Variants in ALG1 observed in about 807,000 individuals in gnomAD.
The protein encoded by ALG1 is ALG1 chitobiosyldiphosphodolichol beta-mannosyltransferase.
In ALG1, 58 loss-of-function variants were observed where a neutral mutation model predicts 55.1. The ratio of observed to expected loss-of-function variants is 1.05; its 90% CI spans 0.85 to 1.31. The LOEUF is 1.31. Among genes scored for constraint, ALG1 ranks in the 50% most tolerant of loss-of-function variants. ALG1 has a pLI of 0.00. For missense variants in ALG1, 761 were observed against 598.6 expected, an observed-to-expected ratio of 1.27 and a Z score of -2.83; for synonymous variants, 309 against 247.0, an observed-to-expected ratio of 1.25 and a Z score of -2.35.
chr16:5,072,426 G>C, intron 1 of ALG1: 1 of 472,180 alleles, frequency 2.1e-6, no homozygotes, highest in Non-Finnish European at 3.7e-6. Flanking sequence ...CCTCAACGCA[G>C]AGCTCTGCAG....
At chr16:5,079,477 G>A (rs1956978410) in intron 8 of ALG1, among the ~76,000 whole-genome samples, 1 of 152,196 alleles carries the variant, frequency 6.6e-6, no homozygotes, top group African/African-American at 2.4e-5. Context: ...ATCATCTGAG[G>A]TCAGGAGTTC....
chr16:5,073,658 A>C (rs1956859627), intron 3 of ALG1, among the ~76,000 whole-genome samples: 3 of 152,256 alleles, frequency 2.0e-5, no homozygotes, highest in Admixed American at 1.3e-4. Context: ...ATTTGAACGT[A>C]GGTCGTCAGT....
Position 5,082,438 on chromosome 16 carries a change from G to C in ALG1, c.1073-121G>C, listed in dbSNP as rs559548983. On this transcript the variant is annotated intron_variant, in intron 10 of 12. Transcript: ENST00000262374. Reference sequence around the variant, plus strand: ...GGCCAGCTTAAGCCACTTGTGTTTGGGGCTGTTGGGGGCCTTATCTGATTT... The same window carrying C: ...GGCCAGCTTAAGCCACTTGTGTTTGCGGCTGTTGGGGGCCTTATCTGATTT... The C allele has an allele frequency of 4.8e-5, 50 of 1,033,490 alleles. No homozygotes were observed. In the African/African-American group the frequency reaches 7.7e-4, roughly 16 times the overall value. 64.0% of individuals were successfully genotyped at this position (1,033,490 alleles called of 1,614,324 possible). A position where few individuals can be genotyped will look rare whatever the true frequency, so the allele number is the denominator to read the frequency against.
intron 4 of ALG1, among the ~76,000 whole-genome samples, chr16:5,075,864 G>C (rs1174797584): frequency 6.6e-6 from 1 of 152,192 alleles, no homozygotes; most frequent in Non-Finnish European, 1.5e-5. Context: ...TCCTCACGTA[G>C]GCTCATTGGG....
intron 4 of ALG1, among the ~76,000 whole-genome samples, chr16:5,076,307 A>G (rs1956912937): frequency 6.6e-6 from 1 of 152,230 alleles, no homozygotes; most frequent in African/African-American, 2.4e-5. Context: ...GTTCACTGGC[A>G]GTGGTGACAG....
In ALG1 at chr16:5,077,940, C is replaced by G; in HGVS notation, c.663C>G (p.Phe221Leu). The G allele has an allele frequency of 6.2e-7, 1 of 1,607,460 alleles. No individual in the cohort carries two copies. Among genetic ancestry groups the G allele is most frequent in the Non-Finnish European group, 8.5e-7 (1 of 1,179,836 alleles). The change falls in exon 6 of 13, where the codon TTC becomes TTG. Residue 221 changes from phenylalanine (F) to leucine (L), a missense_variant. Phe to Leu is a conservative substitution (Grantham distance 22, BLOSUM62 0). Coordinates refer to ENST00000262374, the MANE Select transcript of ALG1 (RefSeq NM_019109.5). ...CCGTCTACGACAAGCCCGCATCTTT[C>G]TTTAAAGAGACACCTCTGGACCTGC... ...AVTVYDKPASFFKETPLDLQH... is the reference protein window; with the variant it reads ...AVTVYDKPASLFKETPLDLQH...
intron 6 of ALG1, chr16:5,078,499 C>G (rs1052462835): frequency 1.4e-6 from 1 of 714,702 alleles, no homozygotes; most frequent in Non-Finnish European, 2.5e-6. Flanking sequence ...CATCTTGAGT[C>G]CAGGGGATGA....
chr16:5,075,250 A>T, intron 3 of ALG1, 138 bp from the exon 4 acceptor site: 2 of 960,282 alleles, frequency 2.1e-6, no homozygotes, highest in Non-Finnish European at 3.4e-6. Context: ...GGTGGTGGAG[A>T]GGGTCTTTCT....
intron 9 of ALG1, 51 bp downstream of exon 9, chr16:5,079,858 G>A (rs1956985344): frequency 1.9e-6 from 3 of 1,580,846 alleles, no homozygotes; most frequent in Non-Finnish European, 2.6e-6. Flanking sequence ...GGCGGAGGGG[G>A]AGGGGCACGC....
intron 10 of ALG1, among the ~76,000 whole-genome samples, chr16:5,082,067 C>T (rs1312490954): frequency 1.3e-5 from 2 of 151,886 alleles, no homozygotes; most frequent in African/African-American, 2.4e-5. Context: ...CTCAGCCTCC[C>T]GAGTAGCTGT....
chr16:5,084,914 C>G lies in ALG1; in HGVS notation c.*33C>G. 6.3e-7 allele frequency: 1 copy of G among 1,596,432 alleles called. No homozygotes were observed. The highest frequency in any genetic ancestry group is 8.5e-7 in the Non-Finnish European group (1 of 1,179,756). ...GCCAGAGGCTAAAACCCCAGGACCC[C>G]TGCTGTCCTTCCCGCAGCTTCTTCT... On this transcript the variant is annotated 3_prime_UTR_variant, in exon 13 of 13. Transcript: ENST00000262374.
At position 5,083,665 on chromosome 16, in the gene ALG1, C is replaced by T; in HGVS notation, c.1188-17C>T. 2 of 1,600,832 alleles carry T rather than the reference C, an allele frequency of 1.2e-6. No homozygotes were observed. Among genetic ancestry groups the T allele is most frequent in the Non-Finnish European group, 1.7e-6 (2 of 1,179,782 alleles). The stretch of plus-strand genomic sequence containing the variant: ...CTTCTACAGGCAGCTCTCAGGCTCC[C>T]TTGGTTCTCTCTGCAGTTTACATGA... On this transcript the variant is annotated splice_polypyrimidine_tract_variant and intron_variant, in intron 11 of 12. Transcript: ENST00000262374.
chr16:5,075,627 T>A (rs1956898640), intron 4 of ALG1, 91 bp downstream of exon 4: 1 of 1,523,164 alleles, frequency 6.6e-7, no homozygotes, highest in Non-Finnish European at 9.0e-7. Flanking sequence ...CGGAAGTCGG[T>A]TCCTTGTGGG....
At position 5,082,683 on chromosome 16, in the gene ALG1, G is replaced by A; in HGVS notation, c.1187+10G>A. 1 of 1,610,976 alleles carries A rather than the reference G, an allele frequency of 6.2e-7. No individual in the cohort carries two copies. The highest frequency in any genetic ancestry group is 8.5e-7 in the Non-Finnish European group (1 of 1,179,804). On this transcript the variant is annotated intron_variant, in intron 11 of 12. Transcript: ENST00000262374. ...CTGTGAACTTCAAGTGGTAGGAGCA[G>A]AACCCAAATCCTTCTGGGGATAGCT...
At chr16:5,074,892 G>GT (rs1237626990) in intron 3 of ALG1, among the ~76,000 whole-genome samples, 2 of 152,078 alleles carry the variant, frequency 1.3e-5, no homozygotes, top group African/African-American at 2.4e-5. Flanking sequence ...GGTTCTGTTT[G>GT]TTTGTTTGGT....
chr16:5,082,434 T>A, intron 10 of ALG1, 125 bp from the exon 11 acceptor site: 1 of 1,008,880 alleles, frequency 9.9e-7, no homozygotes, highest in South Asian at 1.4e-5. Context: ...GCCACTTGTG[T>A]TTGGGGCTGT....
chr16:5,083,551 G>A lies in ALG1; in HGVS notation c.1188-131G>A, dbSNP rs568963931. 3.8e-3 allele frequency: 5,805 copies of A among 1,541,422 alleles called. 23 individuals are homozygous for A. Among genetic ancestry groups the A allele is most frequent in the Non-Finnish European group, 4.6e-3 (5,237 of 1,147,674 alleles). On this transcript the variant is annotated intron_variant, in intron 11 of 12. Coordinates refer to ENST00000262374, the MANE Select transcript of ALG1 (RefSeq NM_019109.5). Reference sequence around the variant, plus strand: ...ATGCCAAATCTAAGAACCAGCTCCCGGAAACCACACCCCCTGTTCCAACCC... The same window carrying A: ...ATGCCAAATCTAAGAACCAGCTCCCAGAAACCACACCCCCTGTTCCAACCC...
chr16:5,076,253 G>A (rs1482530493), intron 4 of ALG1, among the ~76,000 whole-genome samples: 1 of 152,216 alleles, frequency 6.6e-6, no homozygotes, highest in Non-Finnish European at 1.5e-5. Context: ...GTGTACTTCC[G>A]GCCTTGGGCC....
intron 12 of ALG1, chr16:5,084,432 C>A: frequency 1.9e-6 from 1 of 531,018 alleles, no homozygotes; most frequent in Admixed American, 3.2e-5. Context: ...CCCTTGTTAC[C>A]CACAGATGGG....
Sources: gnomAD v4.1 joint callset for allele counts (sites outside exome capture counted in the v4.1 genomes callset) on GRCh38, gnomAD v4.1.1 for gene constraint, MANE v1.5 for transcripts, NCBI Gene and HGNC (gene_info 2026-07-23, HGNC 2026-07-21) for gene names.